The following NMNAT2 variants were observed in gnomAD, a reference collection of about 807,000 sequenced individuals.
The protein encoded by NMNAT2 is nicotinamide/nicotinic acid mononucleotide adenylyltransferase 2.
A neutral mutation model predicts 41.6 loss-of-function variants in NMNAT2; 11 were observed. That is an observed-to-expected ratio of 0.26 (90% CI 0.17 to 0.44). NMNAT2 has a LOEUF of 0.44. Among genes scored for constraint, NMNAT2 ranks in the 20% least tolerant of loss-of-function variants. NMNAT2 has a pLI of 1.00. For missense variants in NMNAT2, 288 were observed against 407.7 expected (o/e 0.71, Z 2.53); for synonymous variants, 148 against 151.2 (o/e 0.98, Z 0.16).
rs1663783668 is a variant in NMNAT2, at chr1:183,380,583, G to T, written c.85+37600C>A. 1.3e-5 allele frequency among the ~76,000 whole-genome samples: 2 copies of T among 152,110 alleles called. 1 individual carries two copies. On this transcript the variant is annotated intron_variant, in intron 1 of 10. Coordinates refer to ENST00000287713, the MANE Select transcript of NMNAT2 (RefSeq NM_015039.4). ...AAATGACTATGGGAATATGAGAGAG[G>T]GTGAAAAATTCTGACTGGACAGATA...
intron 3 of NMNAT2, among the ~76,000 whole-genome samples, chr1:183,290,895 G>A (rs566354163): frequency 2.3e-4 from 35 of 152,164 alleles, no homozygotes; most frequent in Non-Finnish European, 4.4e-4. Context: ...CCAGACTGAG[G>A]CAGCACTGGG....
chr1:183,266,973 A>G, intron 8 of NMNAT2: 1 of 163,940 alleles, frequency 6.1e-6, no homozygotes, highest in Non-Finnish European at 1.3e-5. Flanking sequence ...TAGGCTCAGC[A>G]CCAACAGGTC....
At chr1:183,356,218 T>C (rs893520877) in intron 1 of NMNAT2, among the ~76,000 whole-genome samples, 5 of 152,266 alleles carry the variant, frequency 3.3e-5, no homozygotes, top group African/African-American at 1.2e-4. Flanking sequence ...GTATTTTGTT[T>C]TACATTCCTC....
At chr1:183,290,502 C>T (rs1557868117) in intron 3 of NMNAT2, 1 of 317,642 alleles carries the variant, frequency 3.1e-6, no homozygotes, top group Non-Finnish European at 5.8e-6. Flanking sequence ...GTTATGTGAT[C>T]TCCCAGTGCC....
At chr1:183,298,736 A>G (rs879464371) in intron 1 of NMNAT2, among the ~76,000 whole-genome samples, 3 of 152,194 alleles carry the variant, frequency 2.0e-5, no homozygotes, top group Non-Finnish European at 4.4e-5. Flanking sequence ...TCATGCTTCT[A>G]TTGAGTTGGA....
intron 1 of NMNAT2, among the ~76,000 whole-genome samples, chr1:183,323,764 T>G (rs892974700): frequency 2.0e-5 from 3 of 151,894 alleles, no homozygotes; most frequent in Non-Finnish European, 4.4e-5. Context: ...TCCTATGGCA[T>G]AGGGAACACA....
At chr1:183,308,095 C>T (rs181905112) in intron 1 of NMNAT2, among the ~76,000 whole-genome samples, 46 of 152,250 alleles carry the variant, frequency 3.0e-4, no homozygotes, top group Middle Eastern at 3.4e-3. Flanking sequence ...GTTTCTGCTG[C>T]GATGGATGAC....
At chr1:183,283,638 C>T (rs757380615) in intron 7 of NMNAT2, 4 of 346,968 alleles carry the variant, frequency 1.2e-5, no homozygotes, top group South Asian at 2.3e-5. Context: ...TGAGGAAGGC[C>T]GGGGTGCTCT....
intron 1 of NMNAT2, among the ~76,000 whole-genome samples, chr1:183,367,767 A>G (rs906510744): frequency 1.3e-5 from 2 of 152,230 alleles, no homozygotes; most frequent in Non-Finnish European, 2.9e-5. Context: ...TGCTGTGTAC[A>G]TTGAAAATAT....
intron 1 of NMNAT2, among the ~76,000 whole-genome samples, chr1:183,340,047 A>C (rs1459153564): frequency 6.6e-6 from 1 of 152,264 alleles, no homozygotes; most frequent in Non-Finnish European, 1.5e-5. Context: ...CAAGGAGCAG[A>C]GAGCCTGGTC....
At chr1:183,392,941 C>T (rs538652637) in intron 1 of NMNAT2, among the ~76,000 whole-genome samples, 3 of 152,168 alleles carry the variant, frequency 2.0e-5, no homozygotes, top group Admixed American at 2.0e-4. Flanking sequence ...ACATCATTTC[C>T]TTATTTATTT....
In NMNAT2 at chr1:183,251,409, T is replaced by A. The variant is rs893180411; in HGVS notation, c.*1232A>T. On this transcript the variant is annotated 3_prime_UTR_variant, in exon 11 of 11. Coordinates refer to ENST00000287713, the MANE Select transcript of NMNAT2 (RefSeq NM_015039.4). ...TGCTTTCTCCTAGTTCATCCTGGAC[T>A]TACAATATGAAAGAGACATTTCCCA... The A allele has an allele frequency of 1.3e-5, 2 of 152,260 alleles. No individual in the cohort carries two copies. The highest frequency in any genetic ancestry group is 4.8e-5 in the African/African-American group (2 of 41,446). The allele number at this position is 152,260 out of a possible 1,614,324, so 9.4% of individuals were successfully genotyped here. A position where few individuals can be genotyped will look rare whatever the true frequency, so the allele number is the denominator to read the frequency against.
rs180739514 is a variant in NMNAT2, at chr1:183,251,318, A to G, written c.*1323T>C. On this transcript the variant is annotated 3_prime_UTR_variant, in exon 11 of 11. Transcript: ENST00000287713. Reference sequence around the variant, plus strand: ...TGCTTCTCAAGAAGAAACTGACCTCATGCACTGTCTGAGTTACCTCAGCTA... The same window carrying G: ...TGCTTCTCAAGAAGAAACTGACCTCGTGCACTGTCTGAGTTACCTCAGCTA... 6.4e-4 allele frequency: 97 copies of G among 151,262 alleles called. No individual in the cohort carries two copies. The highest frequency in any genetic ancestry group is 2.3e-3 in the African/African-American group (95 of 40,486). 9.4% of individuals were successfully genotyped at this position (151,262 alleles called of 1,614,324 possible).
At position 183,278,403 on chromosome 1, in the gene NMNAT2, G is replaced by C. The variant is rs1244682936; in HGVS notation, c.651+150C>G. Reference sequence around the variant, plus strand: ...AAAATGCAGTAGGAGATAAAGCTTGGGGGTAGGTGAGAATTTTCTACCATA... The same window carrying C: ...AAAATGCAGTAGGAGATAAAGCTTGCGGGTAGGTGAGAATTTTCTACCATA... On this transcript the variant is annotated intron_variant, in intron 8 of 10. Transcript: ENST00000287713. 6.6e-6 allele frequency: 4 copies of C among 603,296 alleles called. No individual in the cohort carries two copies. In the Admixed American group the frequency reaches 8.3e-5, roughly 12 times the overall value. The allele number at this position is 603,296 out of a possible 1,614,324, so 37.4% of individuals were successfully genotyped here.
chr1:183,311,275 T>C (rs1051984086), intron 1 of NMNAT2, among the ~76,000 whole-genome samples: 6 of 152,130 alleles, frequency 3.9e-5, no homozygotes, highest in African/African-American at 1.4e-4. Context: ...AGTGAGCGAT[T>C]TGGGGAATTC....
intron 10 of NMNAT2, 34 bp from the exon 11 acceptor site, chr1:183,252,777 C>A: frequency 6.6e-7 from 1 of 1,520,464 alleles, no homozygotes; most frequent in South Asian, 1.1e-5. Flanking sequence ...AGATGGACAT[C>A]CACACCCAAA....
Position 183,261,028 on chromosome 1 carries a change from C to T in NMNAT2, c.795G>A (p.Met265Ile), listed in dbSNP as rs1208185172. The change falls in exon 10 of 11, where the codon ATG becomes ATA. Residue 265 changes from methionine (M) to isoleucine (I), a missense_variant. Physicochemically the swap from Met to Ile is conservative, Grantham distance 10. This residue lies in a region of NMNAT2 where 181 missense variants were observed against 213.7 expected (regional missense o/e 0.85). Coordinates refer to ENST00000287713, the MANE Select transcript of NMNAT2 (RefSeq NM_015039.4). ...TGCTCTTGGTTGAGCTGACAACAGA[C>T]ATGGGATGGTTGATGTCATCCTTCA... is the stretch of plus-strand genomic sequence containing the variant. ...MVVKDDINHP[M>I]SVVSSTKSRL... 6.2e-7 allele frequency: 1 copy of T among 1,614,034 alleles called. No individual in the cohort carries two copies. The highest frequency in any genetic ancestry group is 1.7e-5 in the Admixed American group (1 of 60,014).
chr1:183,337,106 T>C (rs1283375227), intron 1 of NMNAT2, among the ~76,000 whole-genome samples: 7 of 152,188 alleles, frequency 4.6e-5, no homozygotes, highest in African/African-American at 7.2e-5. Flanking sequence ...GTATCTTGAT[T>C]GGAGAGTTGG....
At chr1:183,352,051 G>C (rs746699796) in intron 1 of NMNAT2, among the ~76,000 whole-genome samples, 2 of 151,984 alleles carry the variant, frequency 1.3e-5, no homozygotes, top group Non-Finnish European at 2.9e-5. Context: ...ATTTTCCCAG[G>C]GCTCTCCTGG....
Sources: allele counts gnomAD v4.1 joint callset (sites outside exome capture counted in the v4.1 genomes callset), GRCh38; gene constraint gnomAD v4.1.1; regional missense constraint gnomAD v4.1.1; transcripts MANE v1.5; gene names NCBI Gene and HGNC (gene_info 2026-07-23, HGNC 2026-07-21).